ARSH: variants seen among roughly 807,000 people sequenced by gnomAD.
ARSH encodes arylsulfatase H.
A neutral mutation model predicts 28.7 loss-of-function variants in ARSH; 32 were observed. The ratio of observed to expected loss-of-function variants is 1.11; its 90% CI spans 0.84 to 1.50. ARSH has a LOEUF of 1.50. Ranked by LOEUF, ARSH falls within the 40% of genes most tolerant of loss-of-function variation. The pLI is 0.00. For synonymous variants in ARSH, 176 were observed against 177.3 expected (o/e 0.99, Z 0.06); for missense variants, 440 against 452.4 (o/e 0.97, Z 0.25).
chrX:3,014,446 C>T (rs2089860002), intron 3 of ARSH, among the ~76,000 whole-genome samples: 1 of 111,106 alleles, frequency 9.0e-6, no homozygotes, highest in African/African-American at 3.3e-5. Flanking sequence ...TCTTTGGCTA[C>T]TTTGTCATCC....
chrX:3,022,154 T>C (rs936013170), intron 5 of ARSH, among the ~76,000 whole-genome samples: 9 of 111,610 alleles, frequency 8.1e-5, no homozygotes, highest in African/African-American at 2.9e-4. Context: ...GTTTTCACTT[T>C]AGACACTATA....
At chrX:3,007,094 A>T (rs2089830108) in intron 1 of ARSH, among the ~76,000 whole-genome samples, 1 of 109,337 alleles carries the variant, frequency 9.1e-6, no homozygotes, top group South Asian at 4.1e-4. Context: ...TAATAAAAAA[A>T]AAAATCTACT....
Position 3,020,306 on chromosome X carries a change from G to A in ARSH, c.901+1636G>A, listed in dbSNP as rs377746984. Among the ~76,000 whole-genome samples the A allele has an allele frequency of 3.6e-3, 199 of 55,358 alleles. 3 individuals carry two copies. The highest frequency in any genetic ancestry group is 0.015 in the African/African-American group (178 of 11,656). 48.1% of individuals were successfully genotyped at this position (55,358 alleles called of 115,157 possible). On this transcript the variant is annotated intron_variant, in intron 5 of 8. Transcript: ENST00000381130. ...AAAAAAAAAAAAAAAAAAAAAAAAA[G>A]AGGCCGAGTGCGGTGGCTCACGCCT...
At chrX:3,011,428 T>A (rs1382247150) in intron 2 of ARSH, among the ~76,000 whole-genome samples, 2 of 110,117 alleles carry the variant, frequency 1.8e-5, no homozygotes, top group African/African-American at 6.6e-5. Context: ...TTTGTATTTT[T>A]AGTAGAGATG....
chrX:3,008,520 T>C (rs1237629388), intron 1 of ARSH, among the ~76,000 whole-genome samples: 2 of 102,423 alleles, frequency 2.0e-5, no homozygotes, highest in Non-Finnish European at 2.0e-5. Context: ...TTTCTTCCCT[T>C]TTTCTTTTCC....
In ARSH at chrX:3,027,408, C is replaced by T. The variant is rs1300285033; in HGVS notation, c.1132C>T (p.Pro378Ser). The T allele has an allele frequency of 2.5e-6, 3 of 1,211,019 alleles. No individual in the cohort carries two copies. In the Admixed American group the frequency reaches 6.5e-5, roughly 26 times the overall value. The change falls in exon 7 of 9, where the codon CCC becomes TCC. Residue 378 changes from proline to serine, a missense_variant. Physicochemically the swap from Pro to Ser is moderately conservative, Grantham distance 74. Transcript: ENST00000381130. The part of the protein sequence containing the change: ...VLEAGRVINE[P>S]TSLMDIYPTL... ...GGAGGCTGGGAGAGTGATCAATGAG[C>T]CCACCAGCTTAATGGACATCTATCC...
Position 3,033,381 on chromosome X carries a change from C to T in ARSH, c.1685C>T (p.Pro562Leu), listed in dbSNP as rs1179659818. The T allele has an allele frequency of 2.9e-5, 35 of 1,198,153 alleles. No individual in the cohort carries two copies. Among genetic ancestry groups the T allele is most frequent in the South Asian group, 9.2e-5 (5 of 54,363 alleles). The change falls in exon 9 of 9, where the codon CCC (proline) becomes CTC (leucine). Residue 562 changes from proline (P) to leucine (L), a missense_variant. Pro to Leu is a moderately conservative substitution (Grantham distance 98). Coordinates refer to ENST00000381130, the MANE Select transcript of ARSH (RefSeq NM_001011719.2). Reference protein sequence around the residue: ...DKEDDILPMAP With the variant: ...DKEDDILPMAL ...GAAGATGACATCCTTCCCATGGCTC[C>T]CTGAGACCATGCGGACCACGTGTTA...
Position 3,013,179 on chromosome X carries a change from C to A in ARSH, c.340+7C>A. ...TACCGCACGGGACTCATAGGTATGG[C>A]GCCGGAACTCTGCCCGTGGAAACGT... On this transcript the variant is annotated splice_region_variant and intron_variant, in intron 3 of 8. Coordinates refer to ENST00000381130, the MANE Select transcript of ARSH (RefSeq NM_001011719.2). The A allele has an allele frequency of 1.7e-6, 2 of 1,199,097 alleles. No homozygotes were observed. Among genetic ancestry groups the A allele is most frequent in the South Asian group, 1.8e-5 (1 of 54,675 alleles).
rs956186119 is a variant in ARSH, at chrX:3,010,152, G to A, written c.214+1G>A. 38 of 1,205,178 alleles carry A rather than the reference G, an allele frequency of 3.2e-5. No homozygotes were observed. Among genetic ancestry groups the A allele is most frequent in the Non-Finnish European group, 3.8e-5 (34 of 892,667 alleles). On this transcript the variant is annotated splice_donor_variant, in intron 2 of 8. Coordinates refer to ENST00000381130, the MANE Select transcript of ARSH (RefSeq NM_001011719.2). LOFTEE classifies it high-confidence loss of function. ...ACCGGCCGGTACCCCATCAGATCAG[G>A]TGAGGCAATAAAAAGGCAGCAACAT...
chrX:3,019,195 G>A (rs2089874386), intron 5 of ARSH, among the ~76,000 whole-genome samples: 1 of 105,326 alleles, frequency 9.5e-6, no homozygotes, highest in Admixed American at 1.1e-4. Flanking sequence ...GATCCAGGAT[G>A]CAGAGGTTGC....
At chrX:3,007,118 G>C (rs1433702718) in intron 1 of ARSH, among the ~76,000 whole-genome samples, 1 of 109,305 alleles carries the variant, frequency 9.1e-6, no homozygotes, top group East Asian at 2.9e-4. Flanking sequence ...ACATGGTGGC[G>C]TGTGTCTGTG....
chrX:3,018,805 A>C, intron 5 of ARSH, 135 bp downstream of exon 5: 1 of 619,923 alleles, frequency 1.6e-6, no homozygotes, highest in Non-Finnish European at 2.3e-6. Flanking sequence ...TCATCCCTTA[A>C]TTGGATTAAA....
intron 8 of ARSH, among the ~76,000 whole-genome samples, chrX:3,030,064 A>C (rs772160246): frequency 9.0e-6 from 1 of 110,617 alleles, no homozygotes; most frequent in South Asian, 4.0e-4. Context: ...TGACACAGAC[A>C]AACCAATGCC....
Position 3,033,135 on chromosome X carries a change from C to G in ARSH, c.1439C>G (p.Pro480Arg), listed in dbSNP as rs779261534. The change falls in exon 9 of 9, where the codon CCA becomes CGA. Residue 480 changes from proline (P) to arginine (R), a missense_variant. Transcript: ENST00000381130. ...CSGDVTYHDP[P>R]LLFDISRDPS... ...GGGGATGTAACCTACCACGACCCAC[C>G]ACTCCTCTTTGACATCTCAAGAGAC... The G allele has an allele frequency of 2.5e-6, 3 of 1,211,398 alleles. No individual in the cohort carries two copies. In the East Asian group the frequency reaches 8.9e-5, roughly 36 times the overall value.
chrX:3,029,083 A>C (rs1486833645), intron 7 of ARSH, among the ~76,000 whole-genome samples, 164 bp from the exon 8 acceptor site: 1 of 109,619 alleles, frequency 9.1e-6, no homozygotes, highest in Non-Finnish European at 1.9e-5. Flanking sequence ...ATTTCAAAAA[A>C]AAAAAAAAAG....
chrX:3,018,603 G>T lies in ARSH; in HGVS notation c.834G>T (p.Lys278Asn), dbSNP rs907740496. ...LHVHTPLISK[K>N]KFVGRSKYGR... ...TACATACTCCACTCATCTCCAAAAA[G>T]AAGTTTGTTGGGCGCAGTAAATATG... The change falls in exon 5 of 9, where the codon AAG becomes AAT. Residue 278 changes from lysine to asparagine, a missense_variant. Lys to Asn is a moderately conservative substitution (Grantham distance 94, BLOSUM62 0). Coordinates refer to ENST00000381130, the MANE Select transcript of ARSH (RefSeq NM_001011719.2). The T allele has an allele frequency of 1.2e-5, 15 of 1,208,573 alleles. No individual in the cohort carries two copies. The highest frequency in any genetic ancestry group is 1.7e-5 in the Non-Finnish European group (15 of 894,344).
At chrX:3,021,155 A>T (rs1452305980) in intron 5 of ARSH, among the ~76,000 whole-genome samples, 1 of 104,898 alleles carries the variant, frequency 9.5e-6, no homozygotes, top group Admixed American at 1.0e-4. Flanking sequence ...TATAATTGGG[A>T]TTTTTTTTTT....
At chrX:3,024,759 G>A (rs1195243529) in intron 6 of ARSH, among the ~76,000 whole-genome samples, 2 of 111,229 alleles carry the variant, frequency 1.8e-5, no homozygotes, top group Non-Finnish European at 3.8e-5. Flanking sequence ...CTCATGGCCA[G>A]CAGATTCTTC....
At chrX:3,008,697 GAGCC>G in intron 1 of ARSH, among the ~76,000 whole-genome samples, 1 of 107,339 alleles carries the variant, frequency 9.3e-6, no homozygotes, top group South Asian at 4.2e-4. Context: ...CTATAGGCAT[GAGCC>G]CCCACACCTG....
Sources: gnomAD v4.1 joint callset for allele counts (sites outside exome capture counted in the v4.1 genomes callset) on GRCh38, gnomAD v4.1.1 for gene constraint, MANE v1.5 for transcripts, NCBI Gene and HGNC (gene_info 2026-07-23, HGNC 2026-07-21) for gene names.